RALGAPA1: variants seen among roughly 807,000 people sequenced by gnomAD.
RALGAPA1 encodes Ral GTPase activating protein catalytic subunit alpha 1, also known as ral GTPase-activating protein subunit alpha-1.
A neutral mutation model predicts 269.6 loss-of-function variants in RALGAPA1; 52 were observed. That is an observed-to-expected ratio of 0.19 (90% CI 0.15 to 0.24). The LOEUF (loss-of-function observed/expected upper bound fraction) is 0.24. Among genes scored for constraint, RALGAPA1 ranks in the 10% least tolerant of loss-of-function variants. The pLI, the probability that RALGAPA1 is intolerant of heterozygous loss-of-function variation, is 1.00. For synonymous variants in RALGAPA1, 817 were observed against 1,008.3 expected (o/e 0.81, Z 3.60); for missense variants, 1,917 against 3,013.9 (o/e 0.64, Z 8.52).
At chr14:35,670,715 G>C (rs919026723) in intron 26 of RALGAPA1, among the ~76,000 whole-genome samples, 2 of 152,152 alleles carry the variant, frequency 1.3e-5, no homozygotes, top group African/African-American at 4.8e-5. Context: ...ACAAGGTCAG[G>C]AGTTCGAGAC....
At chr14:35,596,728 A>G (rs2058952265) in intron 36 of RALGAPA1, among the ~76,000 whole-genome samples, 1 of 152,156 alleles carries the variant, frequency 6.6e-6, no homozygotes, top group Non-Finnish European at 1.5e-5. Context: ...TACATAATTA[A>G]AAATTTTAAA....
At chr14:35,720,744 T>C (rs1239887629) in intron 16 of RALGAPA1, among the ~76,000 whole-genome samples, 1 of 152,052 alleles carries the variant, frequency 6.6e-6, no homozygotes, top group Non-Finnish European at 1.5e-5. Context: ...CTGGGCAACA[T>C]AGCAAGACCC....
chr14:35,721,934 CT>C, intron 15 of RALGAPA1, 85 bp from the exon 16 acceptor site: 1 of 1,119,280 alleles, frequency 8.9e-7, no homozygotes, highest in Non-Finnish European at 1.3e-6. Flanking sequence ...GCCTCAGAGT[CT>C]TAGGTTTGCT....
intron 8 of RALGAPA1, among the ~76,000 whole-genome samples, chr14:35,751,542 G>A (rs1020897387): frequency 1.3e-5 from 2 of 152,036 alleles, no homozygotes; most frequent in African/African-American, 4.8e-5. Context: ...CCAGCACTTT[G>A]GGAGGCTAAG....
intron 39 of RALGAPA1, among the ~76,000 whole-genome samples, chr14:35,555,496 A>G (rs943179621): frequency 2.0e-4 from 31 of 152,354 alleles, no homozygotes; most frequent in African/African-American, 7.5e-4. Flanking sequence ...TCTGTATACC[A>G]TAAGAATAGA....
Position 35,808,795 on chromosome 14 carries a change from G to A in RALGAPA1, c.41C>T (p.Thr14Ile). Residue 14 changes from threonine to isoleucine, a missense_variant, in exon 1 of 42, where the codon ACC becomes ATC. This residue lies in a region of RALGAPA1 where 462 missense variants were observed against 725.6 expected (regional missense o/e 0.64). Coordinates refer to ENST00000680220, the MANE Select transcript of RALGAPA1 (RefSeq NM_001346249.2). ...CTTCTTGGTGTCTAGCACCTTCTGG[G>A]TGGACTTCTTCACGTCCCCGTGCGG... Reference protein sequence around the residue: ...KKPHGDVKKSTQKVLDTKKDA... With the variant: ...KKPHGDVKKSIQKVLDTKKDA... The A allele has an allele frequency of 6.2e-7, 1 of 1,612,998 alleles. No individual in the cohort carries two copies. The highest frequency in any genetic ancestry group is 8.5e-7 in the Non-Finnish European group (1 of 1,179,700).
At chr14:35,608,770 C>T (rs2059741603) in intron 35 of RALGAPA1, among the ~76,000 whole-genome samples, 1 of 152,128 alleles carries the variant, frequency 6.6e-6, no homozygotes, top group Non-Finnish European at 1.5e-5. Flanking sequence ...ATCCCACTTT[C>T]AATAATGGAC....
In RALGAPA1 at chr14:35,609,254, A is replaced by G. The variant is rs149802002; in HGVS notation, c.6930-3545T>C. Among the ~76,000 whole-genome samples the G allele has an allele frequency of 5.3e-5, 8 of 152,108 alleles. No homozygotes were observed. In the East Asian group the frequency reaches 1.5e-3, roughly 29 times the overall value. On this transcript the variant is annotated intron_variant, in intron 35 of 41. Coordinates refer to ENST00000680220, the MANE Select transcript of RALGAPA1 (RefSeq NM_001346249.2). ...AAAAAAAAAACCAAAAAACAAAAAA[A>G]AACAAGTCTTGATAAATTTAAACGA...
chr14:35,789,245 C>T (rs1036465734), intron 1 of RALGAPA1, among the ~76,000 whole-genome samples: 3 of 151,380 alleles, frequency 2.0e-5, no homozygotes, highest in South Asian at 2.1e-4. Flanking sequence ...TCATTAGCTA[C>T]GGCACAGGTA....
intron 1 of RALGAPA1, among the ~76,000 whole-genome samples, chr14:35,787,397 C>G: frequency 6.6e-6 from 1 of 152,168 alleles, no homozygotes; most frequent in East Asian, 1.9e-4. Context: ...TTGAAGCTAA[C>G]AATCTAAAAG....
Position 35,756,869 on chromosome 14 carries a change from G to C in RALGAPA1, c.587C>G (p.Pro196Arg). ...TIEEITPLVP[P>R]QSGDKGQEDL... is the part of the protein sequence containing the mutation. ...TTCTTGCCCTTTATCTCCTGATTGT[G>C]GGGGGACAAGAGGAGTGATTTCTTC... Residue 196 changes from proline to arginine, a missense_variant, in exon 7 of 42, where the codon CCA becomes CGA. This residue lies in a region of RALGAPA1 where 462 missense variants were observed against 725.6 expected (regional missense o/e 0.64). Transcript: ENST00000680220. The C allele has an allele frequency of 2.5e-6, 4 of 1,610,256 alleles. No individual in the cohort carries two copies. Among genetic ancestry groups the C allele is most frequent in the Non-Finnish European group, 3.4e-6 (4 of 1,178,114 alleles).
intron 1 of RALGAPA1, among the ~76,000 whole-genome samples, chr14:35,789,996 G>A (rs1362210988): frequency 6.6e-6 from 1 of 152,010 alleles, no homozygotes; most frequent in African/African-American, 2.4e-5. Context: ...GTTCATGCCT[G>A]TAATCCCAGC....
At chr14:35,772,787 C>G (rs1190329647) in intron 3 of RALGAPA1, among the ~76,000 whole-genome samples, 1 of 152,154 alleles carries the variant, frequency 6.6e-6, no homozygotes, top group African/African-American at 2.4e-5. Flanking sequence ...AGTGAAAGAA[C>G]AGAGGTTCCA....
In RALGAPA1 at chr14:35,544,131, G is replaced by C. The variant is rs183836098; in HGVS notation, c.*23+4377C>G. On this transcript the variant is annotated intron_variant, in intron 41 of 41. Transcript: ENST00000680220. ...ATTTGCATTTATATGGATAACAACT[G>C]GCAGAACTAGGATTTAAATCCAGAT... Among the ~76,000 whole-genome samples the C allele has an allele frequency of 2.0e-3, 309 of 152,214 alleles. 2 individuals are homozygous for C. The highest frequency in any genetic ancestry group is 7.2e-3 in the African/African-American group (300 of 41,528).
At chr14:35,666,903 A>G (rs1228633207) in intron 26 of RALGAPA1, among the ~76,000 whole-genome samples, 1 of 152,206 alleles carries the variant, frequency 6.6e-6, no homozygotes, top group Admixed American at 6.5e-5. Context: ...ATAAAAAATG[A>G]CATTGGTTTA....
At chr14:35,781,567 G>C (rs1278407621) in intron 1 of RALGAPA1, among the ~76,000 whole-genome samples, 1 of 129,032 alleles carries the variant, frequency 7.8e-6, no homozygotes, top group Non-Finnish European at 1.6e-5. Context: ...CAAAATACTA[G>C]AAAACTGAAT....
intron 1 of RALGAPA1, among the ~76,000 whole-genome samples, chr14:35,780,197 T>C (rs1259136533): frequency 6.6e-6 from 1 of 151,996 alleles, no homozygotes; most frequent in Non-Finnish European, 1.5e-5. Flanking sequence ...TGAACATATA[T>C]GCACTTAACA....
Position 35,627,457 on chromosome 14 carries a change from A to G in RALGAPA1, c.6490T>C (p.Ser2164Pro). The G allele has an allele frequency of 6.2e-7, 1 of 1,613,620 alleles. No individual in the cohort carries two copies. The highest frequency in any genetic ancestry group is 1.3e-5 in the African/African-American group (1 of 75,006). Residue 2164 changes from serine (S) to proline (P), a missense_variant, in exon 34 of 42, where the codon TCT becomes CCT. Ser to Pro is a moderately conservative substitution (Grantham distance 74). Transcript: ENST00000680220. The stretch of plus-strand genomic sequence containing the variant: ...TCTCTAAATCTTTTAAACTGGAGAG[A>G]AAGTCCATCTTTTACGGTTATATCT... The part of the protein sequence containing the change: ...LEDITVKDGL[S>P]LQFKRFRETV...
chr14:35,735,776 G>T (rs2070933094), intron 12 of RALGAPA1, among the ~76,000 whole-genome samples: 1 of 152,132 alleles, frequency 6.6e-6, no homozygotes, highest in Admixed American at 6.5e-5. Context: ...TGAAAAAAGA[G>T]TAAGACAAAA....
Sources: allele counts gnomAD v4.1 joint callset (sites outside exome capture counted in the v4.1 genomes callset), GRCh38; gene constraint gnomAD v4.1.1; regional missense constraint gnomAD v4.1.1; transcripts MANE v1.5; gene names NCBI Gene and HGNC (gene_info 2026-07-23, HGNC 2026-07-21).